The following SYAP1 variants were observed in gnomAD, a reference collection of about 807,000 sequenced individuals.
SYAP1 encodes the protein synapse associated protein 1.
A neutral mutation model predicts 29.6 loss-of-function variants in SYAP1; 3 were observed. The observed-to-expected ratio is 0.10, with a 90% confidence interval of 0.05 to 0.26. SYAP1 has a LOEUF of 0.26. SYAP1 is among the 10% of genes least tolerant of loss of function. The probability of loss-of-function intolerance (pLI) is 1.00; values close to 1 mark genes in which losing one functional copy is unlikely to be tolerated. For synonymous variants in SYAP1, 102 were observed against 102.7 expected (o/e 0.99, Z 0.04); for missense variants, 217 against 264.1 (o/e 0.82, Z 1.24).
At chrX:16,736,484 G>T (rs931604934) in intron 3 of SYAP1, 3 of 291,488 alleles carry the variant, frequency 1.0e-5, no homozygotes, top group African/African-American at 2.7e-5. Context: ...GGGCAAGTAA[G>T]CTTTCAGTTC....
chrX:16,743,321 C>G (rs1191804873), intron 4 of SYAP1, among the ~76,000 whole-genome samples: 1 of 98,632 alleles, frequency 1.0e-5, no homozygotes, highest in Non-Finnish European at 2.0e-5. Context: ...GAGCAAGACT[C>G]CATCTCAAAA....
At chrX:16,724,726 C>T (rs1034697252) in intron 1 of SYAP1, among the ~76,000 whole-genome samples, 1 of 112,000 alleles carries the variant, frequency 8.9e-6, no homozygotes, top group African/African-American at 3.2e-5. Flanking sequence ...GACGAGGACT[C>T]TCCCCATAGC....
At chrX:16,750,800 C>T (rs1188433641) in intron 5 of SYAP1, among the ~76,000 whole-genome samples, 5 of 102,202 alleles carry the variant, frequency 4.9e-5, no homozygotes, top group Non-Finnish European at 9.9e-5. Flanking sequence ...CAGAGTCTCA[C>T]TCTGTCACCC....
intron 5 of SYAP1, among the ~76,000 whole-genome samples, chrX:16,745,410 A>T (rs1281312808): frequency 9.0e-6 from 1 of 111,533 alleles, no homozygotes; most frequent in Non-Finnish European, 1.9e-5. Context: ...GCTGCAGACA[A>T]CTCAGTACAG....
intron 1 of SYAP1, among the ~76,000 whole-genome samples, chrX:16,721,533 C>T (rs1049741810): frequency 9.4e-6 from 1 of 105,831 alleles, no homozygotes; most frequent in Non-Finnish European, 1.9e-5. Flanking sequence ...TAATCTCAGC[C>T]CAAGGCCCCC....
intron 3 of SYAP1, among the ~76,000 whole-genome samples, chrX:16,741,479 A>G (rs1256901733): frequency 1.9e-5 from 2 of 102,579 alleles, no homozygotes; most frequent in African/African-American, 7.0e-5. Flanking sequence ...TACAGGTGTG[A>G]GCCACCATGC....
intron 5 of SYAP1, among the ~76,000 whole-genome samples, chrX:16,749,745 G>A (rs1023089389): frequency 9.1e-6 from 1 of 109,419 alleles, no homozygotes; most frequent in Non-Finnish European, 1.9e-5. Flanking sequence ...GTGAAACTCC[G>A]TCTCTACTAA....
chrX:16,733,811 G>A (rs776883618), intron 1 of SYAP1, among the ~76,000 whole-genome samples: 2 of 109,963 alleles, frequency 1.8e-5, no homozygotes, highest in Non-Finnish European at 3.8e-5. Context: ...GATTACAGGC[G>A]CACGCCACCA....
intron 8 of SYAP1, among the ~76,000 whole-genome samples, chrX:16,757,965 A>G (rs1470652363): frequency 1.8e-5 from 2 of 110,848 alleles, no homozygotes; most frequent in Admixed American, 9.7e-5. Flanking sequence ...TTGACTGTAG[A>G]CATGTACATG....
chrX:16,764,448 G>A lies in SYAP1; in HGVS notation c.*4089G>A, dbSNP rs745344249. On this transcript the variant is annotated 3_prime_UTR_variant, in exon 9 of 9. Coordinates refer to ENST00000380155, the MANE Select transcript of SYAP1 (RefSeq NM_032796.4). ...GCAACCTCGGCTCACTGCAACCTCC[G>A]CCTCCTGGGTTCAAGTGATTCTCCT... 22 of 98,368 alleles carry A rather than the reference G, an allele frequency of 2.2e-4. No individual in the cohort carries two copies. The highest frequency in any genetic ancestry group is 8.3e-4 in the African/African-American group (22 of 26,460). 8.1% of individuals were successfully genotyped at this position (98,368 alleles called of 1,213,427 possible).
At chrX:16,720,037 C>T in intron 1 of SYAP1, 138 bp downstream of exon 1, 4 of 608,197 alleles carry the variant, frequency 6.6e-6, no homozygotes, top group Non-Finnish European at 1.0e-5. Flanking sequence ...GTCTGTCGGT[C>T]AGTCCTCTCC....
rs182850636 is a variant in SYAP1 at position 16,741,062 on chromosome X, A to G, written c.362-654A>G. On this transcript the variant is annotated intron_variant, in intron 3 of 8. Transcript: ENST00000380155. ...ATTGTCCATTTTTAGCCAGCATACTACATAGGTGATGATGTCCTTCTCAAG... is the reference window on the plus strand; with the variant it reads ...ATTGTCCATTTTTAGCCAGCATACTGCATAGGTGATGATGTCCTTCTCAAG... Among the ~76,000 whole-genome samples the G allele has an allele frequency of 3.1e-3, 340 of 110,718 alleles. 1 individual carries two copies. Among genetic ancestry groups the G allele is most frequent in the African/African-American group, 0.011 (321 of 30,501 alleles).
chrX:16,756,836 A>G, intron 7 of SYAP1, 115 bp downstream of exon 7: 2 of 749,555 alleles, frequency 2.7e-6, no homozygotes, highest in South Asian at 2.5e-5. Context: ...AAGAAGCAGC[A>G]TCTGGTACTT....
chrX:16,760,217 C>T lies in SYAP1; in HGVS notation c.932-15C>T. The T allele has an allele frequency of 8.6e-7, 1 of 1,160,440 alleles. No homozygotes were observed. Among genetic ancestry groups the T allele is most frequent in the Non-Finnish European group, 1.1e-6 (1 of 875,179 alleles). On this transcript the variant is annotated splice_polypyrimidine_tract_variant and intron_variant, in intron 8 of 8. Transcript: ENST00000380155. ...ATTCAGAGAGAATCTTTTTCTTCTCCTTTGTTTCTTTTAGAGGATTCTGCA... is the reference window on the plus strand; with the variant it reads ...ATTCAGAGAGAATCTTTTTCTTCTCTTTTGTTTCTTTTAGAGGATTCTGCA...
intron 5 of SYAP1, among the ~76,000 whole-genome samples, chrX:16,754,064 A>G (rs1019803702): frequency 1.1e-4 from 12 of 110,990 alleles, no homozygotes; most frequent in Admixed American, 3.9e-4. Context: ...TTCAGGTTGA[A>G]CTGCACTTCA....
At chrX:16,757,866 C>T (rs977617732) in intron 8 of SYAP1, among the ~76,000 whole-genome samples, 1 of 109,733 alleles carries the variant, frequency 9.1e-6, no homozygotes, top group African/African-American at 3.3e-5. Context: ...GAGATCACAC[C>T]ACTGCACTCC....
chrX:16,741,973 AT>A (rs1422449919), intron 4 of SYAP1, among the ~76,000 whole-genome samples, 184 bp downstream of exon 4: 6 of 105,313 alleles, frequency 5.7e-5, no homozygotes, highest in Non-Finnish European at 9.8e-5. Flanking sequence ...TTTATTTTTT[AT>A]TTTTTTTTTG....
intron 3 of SYAP1, among the ~76,000 whole-genome samples, chrX:16,741,190 AGTTTTTT>A (rs1926450633): frequency 9.1e-6 from 1 of 109,731 alleles, no homozygotes; most frequent in African/African-American, 3.3e-5. Flanking sequence ...ATTTAAGTAG[AGTTTTTT>A]GTTTTTTGTT....
chrX:16,747,848 C>G (rs373868272), intron 5 of SYAP1, among the ~76,000 whole-genome samples: 1 of 111,345 alleles, frequency 9.0e-6, no homozygotes, highest in East Asian at 2.8e-4. Flanking sequence ...TTTCGGAGGC[C>G]GAGGCGGGCG....
Sources: allele counts gnomAD v4.1 joint callset (sites outside exome capture counted in the v4.1 genomes callset), GRCh38; gene constraint gnomAD v4.1.1; transcripts MANE v1.5; gene names NCBI Gene and HGNC (gene_info 2026-07-23, HGNC 2026-07-21).